Variants in PHTF2 observed in about 807,000 individuals in gnomAD.
The protein encoded by PHTF2 is protein PHTF2.
In PHTF2, 60 loss-of-function variants were observed where a neutral mutation model predicts 101.2. The observed-to-expected ratio is 0.59, with a 90% confidence interval of 0.48 to 0.73. The LOEUF (loss-of-function observed/expected upper bound fraction) is 0.73, where lower values mean the gene tolerates loss of function less well. Among genes scored for constraint, PHTF2 ranks in the 30% least tolerant of loss-of-function variants. The pLI is 0.00. For synonymous variants in PHTF2, 311 were observed against 307.3 expected (o/e 1.01, Z -0.13); for missense variants, 747 against 908.7 (o/e 0.82, Z 2.29).
exon 14 of PHTF2, chr7:77,940,242 C>T (rs1064040): frequency 0.029 from 47,372 of 1,613,380 alleles, 829 homozygotes; most frequent in Middle Eastern, 0.062. Flanking sequence ...TTGTGGTTCG[C>T]GTGTCTCTTG....
chr7:77,895,838 A>G (rs1485848074), intron 5 of PHTF2: 1 of 152,210 alleles, frequency 6.6e-6, no homozygotes, highest in Non-Finnish European at 1.5e-5. Context: ...GATACCTTGT[A>G]ATAGTAATTG....
Position 77,871,615 on chromosome 7 carries a change from AG to A in PHTF2, c.147+16782del, listed in dbSNP as rs1798526533. Among the ~76,000 whole-genome samples the A allele has an allele frequency of 2.6e-5, 4 of 152,334 alleles. No homozygotes were observed. In the South Asian group the frequency reaches 8.3e-4, roughly 32 times the overall value. Reference sequence around the variant, plus strand: ...TGAACCTGTGAATCCTGGCTATTGGAGAAACAGTACCATATATTGGATGCTG... The same window carrying A: ...TGAACCTGTGAATCCTGGCTATTGGAAAACAGTACCATATATTGGATGCTG... On this transcript the variant is annotated intron_variant, in intron 3 of 19. Transcript: ENST00000416283.
intron 11 of PHTF2, among the ~76,000 whole-genome samples, chr7:77,927,563 A>G (rs766124478): frequency 6.6e-5 from 10 of 152,114 alleles, no homozygotes; most frequent in Non-Finnish European, 1.3e-4. Flanking sequence ...GTGCCACTGC[A>G]CTCCAGCCTG....
At chr7:77,945,837 A>G (rs556449856) in intron 16 of PHTF2, among the ~76,000 whole-genome samples, 4 of 152,314 alleles carry the variant, frequency 2.6e-5, no homozygotes, top group Non-Finnish European at 5.9e-5. Context: ...GTAGTTTAAA[A>G]TATGCCACCA....
intron 11 of PHTF2, among the ~76,000 whole-genome samples, chr7:77,927,177 A>AAAAAAAAAAAT (rs1554388762): frequency 6.4e-5 from 5 of 78,156 alleles, no homozygotes; most frequent in Admixed American, 3.7e-4. Context: ...AAAAAAAAAA[A>AAAAAAAAAAAT]ATATATATAT....
At chr7:77,949,024 A>C (rs1324454998) in intron 16 of PHTF2, among the ~76,000 whole-genome samples, 1 of 152,218 alleles carries the variant, frequency 6.6e-6, no homozygotes, top group Non-Finnish European at 1.5e-5. Context: ...ATTGGCAACA[A>C]AATATTAATG....
rs960949615 is a variant in PHTF2 at position 77,946,290 on chromosome 7, G to A, written c.1960-3388G>A. Reference sequence around the variant, plus strand: ...GACTAGGAAGTATTGTCCTTAATCTGATAAAGTATATCTTTTAAAATTTGG... The same window carrying A: ...GACTAGGAAGTATTGTCCTTAATCTAATAAAGTATATCTTTTAAAATTTGG... On this transcript the variant is annotated intron_variant, in intron 16 of 19. Coordinates refer to ENST00000416283, the Ensembl canonical transcript of PHTF2. Among the ~76,000 whole-genome samples, 37 of 152,194 alleles carry A rather than the reference G, an allele frequency of 2.4e-4. 1 individual carries two copies. Among genetic ancestry groups the A allele is most frequent in the African/African-American group, 8.4e-4 (35 of 41,450 alleles).
chr7:77,826,465 A>G (rs1186538267), intron 1 of PHTF2, among the ~76,000 whole-genome samples: 1 of 152,170 alleles, frequency 6.6e-6, no homozygotes, highest in Non-Finnish European at 1.5e-5. Context: ...ACCCAAGGCA[A>G]CCCAGGATCT....
intron 3 of PHTF2, among the ~76,000 whole-genome samples, chr7:77,876,536 A>T (rs1011465500): frequency 2.6e-5 from 4 of 152,182 alleles, no homozygotes; most frequent in Admixed American, 1.3e-4. Context: ...CAACACTTTT[A>T]TTAGTGGTAA....
intron 16 of PHTF2, among the ~76,000 whole-genome samples, chr7:77,943,546 G>A (rs1805808545): frequency 6.6e-6 from 1 of 152,142 alleles, no homozygotes; most frequent in Admixed American, 6.5e-5. Flanking sequence ...GATATGCACT[G>A]CTATAATGCA....
intron 12 of PHTF2, among the ~76,000 whole-genome samples, chr7:77,932,601 AAAGAGAGAGAGAGAGAGAGAGT>A (rs1224301311): frequency 8.2e-6 from 1 of 122,276 alleles, no homozygotes; most frequent in Admixed American, 7.7e-5. Context: ...AGAGAGAGAG[AAAGAGAGAGAGAGAGAGAGAGT>A]GTGTGTGTGT....
chr7:77,828,837 C>T (rs981360552), intron 1 of PHTF2, among the ~76,000 whole-genome samples: 4 of 151,718 alleles, frequency 2.6e-5, no homozygotes, highest in East Asian at 1.9e-4. Flanking sequence ...CACTGCACAC[C>T]GGCCTGGGTG....
intron 7 of PHTF2, among the ~76,000 whole-genome samples, chr7:77,902,887 T>C (rs918986486): frequency 6.6e-6 from 1 of 152,162 alleles, no homozygotes; most frequent in Non-Finnish European, 1.5e-5. Context: ...CATAAAAGGG[T>C]GTGGACTATG....
In PHTF2 at chr7:77,820,341, TG is replaced by T. The variant is rs139632372; in HGVS notation, c.-35-19879del. On this transcript the variant is annotated intron_variant, in intron 1 of 19. Transcript: ENST00000416283. ...TCAAATTTATTTGTGTATAGTTGTA[TG>T]TTTTTTTGTTTTATTCTGTTTTGTT... Among the ~76,000 whole-genome samples, 871 of 152,288 alleles carry T rather than the reference TG, an allele frequency of 5.7e-3. 3 individuals carry two copies. Among genetic ancestry groups the T allele is most frequent in the Non-Finnish European group, 9.6e-3 (650 of 68,016 alleles).
intron 1 of PHTF2, among the ~76,000 whole-genome samples, chr7:77,831,235 A>G (rs781027694): frequency 6.6e-6 from 1 of 152,250 alleles, no homozygotes; most frequent in Non-Finnish European, 1.5e-5. Flanking sequence ...TCAAAAGAAA[A>G]AAACGTGAAC....
At chr7:77,930,449 C>G (rs1029859077) in intron 12 of PHTF2, among the ~76,000 whole-genome samples, 1 of 130,166 alleles carries the variant, frequency 7.7e-6, no homozygotes, top group Admixed American at 8.1e-5. Context: ...ACTCACTAGT[C>G]CAGAAACTTG....
intron 3 of PHTF2, among the ~76,000 whole-genome samples, chr7:77,864,996 G>A (rs1199707221): frequency 2.0e-5 from 3 of 151,862 alleles, no homozygotes; most frequent in Non-Finnish European, 4.4e-5. Context: ...TTAATAATAG[G>A]AGCTTATTTA....
chr7:77,820,808 ATTGTTTTCTTC>A (rs1219482164), intron 1 of PHTF2, among the ~76,000 whole-genome samples: 1 of 151,790 alleles, frequency 6.6e-6, no homozygotes, highest in African/African-American at 2.4e-5. Flanking sequence ...CATTTTATTG[ATTGTTTTCTTC>A]TTGTTTTCTA....
chr7:77,823,155 C>T (rs1449041212), intron 1 of PHTF2, among the ~76,000 whole-genome samples: 13 of 151,386 alleles, frequency 8.6e-5, no homozygotes, highest in Non-Finnish European at 1.8e-4. Flanking sequence ...CCACCCGCCT[C>T]GGCCTCCCAA....
Sources: gnomAD v4.1 joint callset for allele counts (sites outside exome capture counted in the v4.1 genomes callset) on GRCh38, gnomAD v4.1.1 for gene constraint, MANE v1.5 for transcripts, NCBI Gene and HGNC (gene_info 2026-07-23, HGNC 2026-07-21) for gene names.